CNTNAP4: variants seen among roughly 807,000 people sequenced by gnomAD.
CNTNAP4 encodes the protein contactin-associated protein-like 4.
A neutral mutation model predicts 148.4 loss-of-function variants in CNTNAP4; 98 were observed. That is an observed-to-expected ratio of 0.66 (90% CI 0.56 to 0.78). The LOEUF (loss-of-function observed/expected upper bound fraction) is 0.78, where lower values mean the gene tolerates loss of function less well. Among genes scored for constraint, CNTNAP4 ranks in the 30% least tolerant of loss-of-function variants. The pLI is 0.00. For synonymous variants in CNTNAP4, 730 were observed against 565.1 expected (o/e 1.29, Z -4.14); for missense variants, 1,935 against 1,565.6 (o/e 1.24, Z -3.98).
chr16:76,432,086 TTTGATCGACTACTCATGTC>T (rs1488138524), intron 4 of CNTNAP4, among the ~76,000 whole-genome samples: 5 of 152,266 alleles, frequency 3.3e-5, no homozygotes, highest in Middle Eastern at 6.8e-3. Context: ...AAGTGCTATG[TTTGATCGACTACTCATGTC>T]TTGAAAAATG....
At chr16:76,307,498 A>C (rs1960597370) in intron 1 of CNTNAP4, among the ~76,000 whole-genome samples, 1 of 112,256 alleles carries the variant, frequency 8.9e-6, no homozygotes, top group South Asian at 3.1e-4. Context: ...TATCTATTTT[A>C]AATGCATATA....
At chr16:76,540,359 G>C (rs1211541430) in intron 20 of CNTNAP4, among the ~76,000 whole-genome samples, 5 of 152,072 alleles carry the variant, frequency 3.3e-5, no homozygotes, top group Non-Finnish European at 5.9e-5. Flanking sequence ...GTGTTAAGGT[G>C]AAAAATAACC....
At chr16:76,291,906 G>T (rs535058256) in intron 1 of CNTNAP4, among the ~76,000 whole-genome samples, 1 of 152,096 alleles carries the variant, frequency 6.6e-6, no homozygotes, top group African/African-American at 2.4e-5. Flanking sequence ...TTTCTCATAC[G>T]CATGCTTTCC....
chr16:76,427,922 A>G (rs1411745735), intron 4 of CNTNAP4, among the ~76,000 whole-genome samples: 1 of 152,204 alleles, frequency 6.6e-6, no homozygotes, highest in Admixed American at 6.6e-5. Context: ...CATGAGTTAT[A>G]TTTGATGATA....
chr16:76,524,856 G>A (rs1382323518), intron 17 of CNTNAP4, among the ~76,000 whole-genome samples: 1 of 151,966 alleles, frequency 6.6e-6, no homozygotes, highest in Non-Finnish European at 1.5e-5. Flanking sequence ...GAAAAAAGGT[G>A]ACATATACTG....
At chr16:76,431,379 T>A (rs996516118) in intron 4 of CNTNAP4, among the ~76,000 whole-genome samples, 2 of 151,984 alleles carry the variant, frequency 1.3e-5, no homozygotes, top group African/African-American at 4.8e-5. Context: ...GGAACAGCAA[T>A]CAGTAAAGGG....
chr16:76,335,129 G>A (rs1260205551), intron 2 of CNTNAP4, among the ~76,000 whole-genome samples: 1 of 152,116 alleles, frequency 6.6e-6, no homozygotes, highest in East Asian at 1.9e-4. Flanking sequence ...TATTTTCATT[G>A]TAATGTGTGA....
At chr16:76,441,865 A>G (rs1364372087) in intron 4 of CNTNAP4, among the ~76,000 whole-genome samples, 1 of 152,146 alleles carries the variant, frequency 6.6e-6, no homozygotes, top group African/African-American at 2.4e-5. Flanking sequence ...GCTTCTAAAA[A>G]CTAGGCAGAT....
intron 17 of CNTNAP4, among the ~76,000 whole-genome samples, chr16:76,527,492 A>C (rs2083792718): frequency 6.6e-6 from 1 of 152,162 alleles, no homozygotes; most frequent in African/African-American, 2.4e-5. Context: ...GCTAATCAGC[A>C]TTTTCGGTGT....
chr16:76,428,202 AT>A (rs1300338993), intron 4 of CNTNAP4, among the ~76,000 whole-genome samples: 1 of 152,130 alleles, frequency 6.6e-6, no homozygotes, highest in Non-Finnish European at 1.5e-5. Context: ...TATTATATAT[AT>A]TTTTTGTGAG....
chr16:76,445,231 C>T (rs969882038), intron 4 of CNTNAP4, among the ~76,000 whole-genome samples: 6 of 152,096 alleles, frequency 3.9e-5, no homozygotes, highest in Non-Finnish European at 7.4e-5. Context: ...CTGAGAGAGC[C>T]CTTTATCAAC....
In CNTNAP4 at chr16:76,476,054, A is replaced by ATGTGTTCCGCTT; in HGVS notation, c.1762+9_1762+10insTGTGTTCCGCTT. The ATGTGTTCCGCTT allele has an allele frequency of 6.3e-7, 1 of 1,582,528 alleles. No individual in the cohort carries two copies. The highest frequency in any genetic ancestry group is 8.7e-7 in the Non-Finnish European group (1 of 1,151,476). On this transcript the variant is annotated intron_variant, in intron 11 of 23. Transcript: ENST00000611870. ...AGCTACTTGCCATAACTGTAAGCGGAACACATCTGCTTTTTCTTGCCCCTG... is the reference window on the plus strand; with the variant it reads ...AGCTACTTGCCATAACTGTAAGCGGATGTGTTCCGCTTACACATCTGCTTTTTCTTGCCCCTG...
intron 8 of CNTNAP4, among the ~76,000 whole-genome samples, chr16:76,456,169 C>G (rs553996939): frequency 3.9e-5 from 6 of 152,190 alleles, no homozygotes; most frequent in African/African-American, 1.4e-4. Context: ...TGGAGTTAAA[C>G]AAGTTGAATT....
chr16:76,343,313 G>T (rs1964636865), intron 2 of CNTNAP4, among the ~76,000 whole-genome samples: 1 of 152,098 alleles, frequency 6.6e-6, no homozygotes, highest in Non-Finnish European at 1.5e-5. Flanking sequence ...TATCAAAAAG[G>T]ACAATTTAGA....
intron 2 of CNTNAP4, among the ~76,000 whole-genome samples, chr16:76,350,950 T>G (rs997625223): frequency 6.6e-6 from 1 of 152,122 alleles, no homozygotes; most frequent in Non-Finnish European, 1.5e-5. Context: ...AAAGGAAACC[T>G]GCAGTATGGG....
At chr16:76,445,432 C>T (rs778139087) in intron 4 of CNTNAP4, among the ~76,000 whole-genome samples, 9 of 152,024 alleles carry the variant, frequency 5.9e-5, no homozygotes, top group Admixed American at 1.3e-4. Flanking sequence ...CTGATTCAAA[C>T]GTGATGGGTC....
chr16:76,545,124 C>G (rs1333943442), intron 21 of CNTNAP4, among the ~76,000 whole-genome samples: 1 of 152,110 alleles, frequency 6.6e-6, no homozygotes, highest in Non-Finnish European at 1.5e-5. Flanking sequence ...CAAGTTAGAG[C>G]AAGAAAAGTA....
At chr16:76,553,135 T>C in intron 21 of CNTNAP4, 148 bp from the exon 22 acceptor site, 1 of 581,184 alleles carries the variant, frequency 1.7e-6, no homozygotes, top group Non-Finnish European at 3.1e-6. Context: ...GAAAGAATAA[T>C]GGATTTTTAT....
At chr16:76,335,636 GA>G in intron 2 of CNTNAP4, among the ~76,000 whole-genome samples, 1 of 152,274 alleles carries the variant, frequency 6.6e-6, no homozygotes, top group East Asian at 1.9e-4. Context: ...TCAGTTATCT[GA>G]ATGTGAAAGA....
Sources: allele counts gnomAD v4.1 joint callset (sites outside exome capture counted in the v4.1 genomes callset), GRCh38; gene constraint gnomAD v4.1.1; transcripts MANE v1.5; gene names NCBI Gene and HGNC (gene_info 2026-07-23, HGNC 2026-07-21).